Variants in MYO6 observed in about 807,000 individuals in gnomAD.
The protein encoded by MYO6 is myosin VI, also known as unconventional myosin-VI.
A neutral mutation model predicts 178.7 loss-of-function variants in MYO6; 74 were observed. The observed-to-expected ratio is 0.41, with a 90% CI of 0.34 to 0.50. The LOEUF (loss-of-function observed/expected upper bound fraction) is 0.50. Ranked by LOEUF, MYO6 falls within the 20% of genes least tolerant of loss-of-function variation. The pLI is 0.09. For synonymous variants in MYO6, 477 were observed against 504.6 expected (o/e 0.95, Z 0.73); for missense variants, 1,330 against 1,547.4 (o/e 0.86, Z 2.36).
chr6:75,862,874 A>G, intron 16 of MYO6, 151 bp downstream of exon 16: 1 of 893,070 alleles, frequency 1.1e-6, no homozygotes, highest in Admixed American at 2.2e-5. Flanking sequence ...TCTTCCTTAG[A>G]TGGATGGATA....
chr6:75,881,647 A>C, intron 22 of MYO6, 42 bp from the exon 23 acceptor site: 2 of 1,587,068 alleles, frequency 1.3e-6, no homozygotes, highest in East Asian at 2.2e-5. Flanking sequence ...GTTCAAATGC[A>C]TTTATATTTT....
At position 75,830,524 on chromosome 6, in the gene MYO6, C is replaced by T. The variant is rs1423194791; in HGVS notation, c.370C>T (p.Pro124Ser). 8.7e-6 allele frequency: 14 copies of T among 1,611,664 alleles called. No homozygotes were observed. The highest frequency in any genetic ancestry group is 9.3e-6 in the Non-Finnish European group (11 of 1,178,068). Residue 124 changes from proline to serine, a missense_variant, in exon 5 of 35, where the codon CCA becomes TCA. By Grantham distance (74) the Pro-to-Ser change is moderately conservative (BLOSUM62 -1). Transcript: ENST00000369977. ...SYQGKSLGTR[P>S]PHVFAIADKA... is the part of the protein sequence containing the mutation. The stretch of plus-strand genomic sequence containing the variant: ...TCAAGGAAAATCTCTTGGGACAAGA[C>T]CACCTCATGTCTTTGCAATTGGTAA...
At chr6:75,817,377 T>C (rs1771380276) in intron 1 of MYO6, 124 bp from the exon 2 acceptor site, 1 of 641,300 alleles carries the variant, frequency 1.6e-6, no homozygotes, top group Non-Finnish European at 2.8e-6. Flanking sequence ...GGGGATTTTA[T>C]GTGGCATGGG....
At chr6:75,795,256 C>T (rs1768683936) in intron 1 of MYO6, among the ~76,000 whole-genome samples, 1 of 152,072 alleles carries the variant, frequency 6.6e-6, no homozygotes. Flanking sequence ...ATGCCTGCAG[C>T]ACCGTAGAGG....
chr6:75,810,048 C>T (rs2150143801), intron 1 of MYO6, among the ~76,000 whole-genome samples: 1 of 150,562 alleles, frequency 6.6e-6, no homozygotes, highest in South Asian at 2.1e-4. Context: ...TGCCCCATTG[C>T]CCTCCAGCTT....
Position 75,841,249 on chromosome 6 carries a change from C to G in MYO6, c.687C>G (p.Leu229=), listed in dbSNP as rs776814111. Residue 229 remains leucine (L), a synonymous_variant, in exon 9 of 35, where the codon CTC becomes CTG. Transcript: ENST00000369977. ...TTGGAGGATTTGTTTCACATTATCT[C>G]CTAGAGAAATCTAGGATCTGTGTTC... ...SVVGGFVSHY[L]LEKSRICVQG... 1 of 1,613,774 alleles carries G rather than the reference C, an allele frequency of 6.2e-7. No homozygotes were observed. Among genetic ancestry groups the G allele is most frequent in the Non-Finnish European group, 8.5e-7 (1 of 1,179,920 alleles).
chr6:75,789,938 T>A (rs1768059451), intron 1 of MYO6, among the ~76,000 whole-genome samples: 1 of 152,182 alleles, frequency 6.6e-6, no homozygotes, highest in South Asian at 2.1e-4. Flanking sequence ...ACTCTCTACT[T>A]TTATGAAATC....
chr6:75,774,398 TATC>T (rs931603104), intron 1 of MYO6, among the ~76,000 whole-genome samples: 6 of 152,162 alleles, frequency 3.9e-5, no homozygotes, highest in Non-Finnish European at 5.9e-5. Context: ...TGAATAAAGT[TATC>T]TTTACTTTTG....
At position 75,866,476 on chromosome 6, in the gene MYO6, T is replaced by C. The variant is rs1026890525; in HGVS notation, c.1675-50T>C. On this transcript the variant is annotated intron_variant, in intron 16 of 34. Coordinates refer to ENST00000369977, the MANE Select transcript of MYO6 (RefSeq NM_004999.4). ...TCAGTTGTTTTGTAAAGAATGATTATGTAATATATTTTTGATCATTTAATA... is the reference window on the plus strand; with the variant it reads ...TCAGTTGTTTTGTAAAGAATGATTACGTAATATATTTTTGATCATTTAATA... 1.2e-5 allele frequency: 16 copies of C among 1,374,900 alleles called. No individual in the cohort carries two copies. The African/African-American group carries it at 1.4e-4, about 12-fold the overall frequency. The allele number at this position is 1,374,900 out of a possible 1,614,324, so 85.2% of individuals were successfully genotyped here.
intron 30 of MYO6, among the ~76,000 whole-genome samples, chr6:75,901,945 A>G (rs1162412809): frequency 2.0e-5 from 3 of 152,152 alleles, no homozygotes; most frequent in Non-Finnish European, 4.4e-5. Flanking sequence ...GGGTTGTTGA[A>G]TTTTGTCAAA....
At chr6:75,846,495 AT>A (rs1290882231) in intron 10 of MYO6, among the ~76,000 whole-genome samples, 1 of 152,126 alleles carries the variant, frequency 6.6e-6, no homozygotes, top group African/African-American at 2.4e-5. Context: ...CCTACAGTTA[AT>A]TTTTGTTTAA....
intron 1 of MYO6, among the ~76,000 whole-genome samples, chr6:75,759,871 T>G (rs1777799236): frequency 6.6e-6 from 1 of 152,218 alleles, no homozygotes; most frequent in Admixed American, 6.5e-5. Context: ...ATAATCTAGG[T>G]CTGTTAACAC....
chr6:75,916,346 A>G lies in MYO6; in HGVS notation c.*1334A>G, dbSNP rs555670560. On this transcript the variant is annotated 3_prime_UTR_variant, in exon 35 of 35. Coordinates refer to ENST00000369977, the MANE Select transcript of MYO6 (RefSeq NM_004999.4). ...TACCTCAGTTAGGGAAGTATTTCCCAGCTGACTAGTGTTTGTGAGCCACAG... is the reference window on the plus strand; with the variant it reads ...TACCTCAGTTAGGGAAGTATTTCCCGGCTGACTAGTGTTTGTGAGCCACAG... The G allele has an allele frequency of 6.5e-6, 1 of 152,702 alleles. No homozygotes were observed. Among genetic ancestry groups the G allele is most frequent in the Admixed American group, 6.5e-5 (1 of 15,296 alleles). The allele number at this position is 152,702 out of a possible 1,614,324, so 9.5% of individuals were successfully genotyped here. A position where few individuals can be genotyped will look rare whatever the true frequency, so the allele number is the denominator to read the frequency against.
chr6:75,798,460 T>C (rs1436204138), intron 1 of MYO6, among the ~76,000 whole-genome samples: 1 of 152,186 alleles, frequency 6.6e-6, no homozygotes. Context: ...GTAAGGGTGG[T>C]TCAACATATG....
intron 1 of MYO6, among the ~76,000 whole-genome samples, chr6:75,812,816 A>G (rs556527833): frequency 6.6e-6 from 1 of 152,270 alleles, no homozygotes; most frequent in Non-Finnish European, 1.5e-5. Context: ...TCCACTGTAT[A>G]TATGCACCAT....
rs10687890 is a variant in MYO6 at position 75,866,275 on chromosome 6, C to CTGTGTGTG, written c.1675-225_1675-218dup. 0.062 allele frequency among the ~76,000 whole-genome samples: 7,367 copies of CTGTGTGTG among 119,078 alleles called. 231 individuals are homozygous for CTGTGTGTG. Among genetic ancestry groups the CTGTGTGTG allele is most frequent in the Non-Finnish European group, 0.083 (4,252 of 51,320 alleles). 78.1% of individuals were successfully genotyped at this position (119,078 alleles called of 152,430 possible). A position where few individuals can be genotyped will look rare whatever the true frequency, so the allele number is the denominator to read the frequency against. On this transcript the variant is annotated intron_variant, in intron 16 of 34. Transcript: ENST00000369977. ...TTTCTCTCCGTCTCTGTCTCTGTCT[C>CTGTGTGTG]TGTGTGTGTGTGTGTGTGTGTGTGT...
At chr6:75,851,542 C>G (rs1420116290) in intron 11 of MYO6, among the ~76,000 whole-genome samples, 1 of 151,798 alleles carries the variant, frequency 6.6e-6, no homozygotes, top group Non-Finnish European at 1.5e-5. Flanking sequence ...GTGGTTCTTG[C>G]GTGTTATCCC....
At chr6:75,805,478 T>G (rs1387594184) in intron 1 of MYO6, among the ~76,000 whole-genome samples, 3 of 152,138 alleles carry the variant, frequency 2.0e-5, no homozygotes, top group Admixed American at 2.0e-4. Context: ...TGGTGTATGT[T>G]TTTGTTACTC....
At chr6:75,894,835 T>A in intron 28 of MYO6, 1 of 1,518,844 alleles carries the variant, frequency 6.6e-7, no homozygotes, top group South Asian at 1.3e-5. Context: ...ATCCGGTAAC[T>A]TCTAAGTAAG....
Sources: allele counts gnomAD v4.1 joint callset (sites outside exome capture counted in the v4.1 genomes callset), GRCh38; gene constraint gnomAD v4.1.1; transcripts MANE v1.5; gene names NCBI Gene and HGNC (gene_info 2026-07-23, HGNC 2026-07-21).